The following FDFT1 variants were observed in gnomAD, a reference collection of about 807,000 sequenced individuals.
FDFT1 encodes the protein squalene synthase.
A neutral mutation model predicts 46.8 loss-of-function variants in FDFT1; 68 were observed. The ratio of observed to expected loss-of-function variants is 1.45; its 90% CI spans 1.19 to 1.78. FDFT1 has a LOEUF of 1.78. FDFT1 is among the 40% of genes most tolerant of loss of function. The probability of loss-of-function intolerance (pLI) is 0.00; values close to 1 mark genes in which losing one functional copy is unlikely to be tolerated. For synonymous variants in FDFT1, 351 were observed against 185.1 expected, an observed-to-expected ratio of 1.90 and a Z score of -7.28; for missense variants, 928 against 524.4, an observed-to-expected ratio of 1.77 and a Z score of -7.52.
chr8:11,820,614 G>A (rs958537079), intron 3 of FDFT1, among the ~76,000 whole-genome samples: 1 of 152,174 alleles, frequency 6.6e-6, no homozygotes, highest in African/African-American at 2.4e-5. Flanking sequence ...CAGCATCCCA[G>A]CTTGATCTCA....
chr8:11,824,967 T>G lies in FDFT1; in HGVS notation c.511-1057T>G, dbSNP rs2740591. 2.6e-4 allele frequency among the ~76,000 whole-genome samples: 39 copies of G among 152,086 alleles called. No homozygotes were observed. The East Asian group carries it at 6.6e-3, about 26-fold the overall frequency. ...AGCCAGGATGGTCTTGATCTCCTGA[T>G]CTCGTGATCCGCCCGTCTCAGCTTC... On this transcript the variant is annotated intron_variant, in intron 4 of 7. Transcript: ENST00000220584.
upstream of FDFT1, chr8:11,802,482 C>T (rs368201722): frequency 2.1e-6 from 1 of 481,540 alleles, no homozygotes; most frequent in Admixed American, 2.3e-5. Context: ...AAAGGCCCGG[C>T]TCCATCAGGG....
intron 4 of FDFT1, among the ~76,000 whole-genome samples, chr8:11,825,514 C>T (rs983629809): frequency 2.1e-5 from 3 of 144,452 alleles, no homozygotes; most frequent in Non-Finnish European, 3.0e-5. Context: ...CACTCCAGCC[C>T]AGGGGACAAA....
rs112064036 is a variant in FDFT1 at position 11,810,598 on chromosome 8, T to C, written c.381+748T>C. 2.6e-3 allele frequency among the ~76,000 whole-genome samples: 403 copies of C among 152,296 alleles called. 4 individuals carry two copies. The highest frequency in any genetic ancestry group is 8.4e-3 in the African/African-American group (349 of 41,550). Reference sequence around the variant, plus strand: ...TTTGGTCTATTTTGTTGGAGTAAAGTGGGTTATAGTTAAAATCCTAAGATT... The same window carrying C: ...TTTGGTCTATTTTGTTGGAGTAAAGCGGGTTATAGTTAAAATCCTAAGATT... On this transcript the variant is annotated intron_variant, in intron 3 of 7. Transcript: ENST00000220584.
At chr8:11,835,971 T>TAAAAAAAAAAAA (rs755611965) in intron 7 of FDFT1, among the ~76,000 whole-genome samples, 1,835 of 64,322 alleles carry the variant, frequency 0.029, 210 homozygotes, top group Middle Eastern at 0.05. Flanking sequence ...CTGTCTCTAC[T>TAAAAAAAAAAAA]AAAAAAAAAA....
chr8:11,803,292 GT>G (rs1344683365), intron 1 of FDFT1: 2 of 1,316,540 alleles, frequency 1.5e-6, no homozygotes, highest in Non-Finnish European at 2.0e-6. Flanking sequence ...GGACGAGTGA[GT>G]TTTTTGGTAA....
At chr8:11,809,035 TTTAC>T in intron 2 of FDFT1, 144 bp downstream of exon 2, 1 of 1,375,422 alleles carries the variant, frequency 7.3e-7, no homozygotes, top group South Asian at 1.4e-5. Context: ...GCCCTACGTG[TTTAC>T]TTTAGAAAGC....
In FDFT1 at chr8:11,802,906, G is replaced by T; in HGVS notation, c.74G>T (p.Arg25Leu). ...NLVRFRIGGK[R>L]KVMPKMDQDS... ...GTGCGCTTCCGGATCGGGGGCAAGC[G>T]GAAGGTGATGCCCAAGATGGACCAG... The change falls in exon 1 of 8, where the codon CGG becomes CTG. Residue 25 changes from arginine (R) to leucine (L), a missense_variant. Transcript: ENST00000220584. The T allele has an allele frequency of 1.2e-6, 2 of 1,610,760 alleles. No homozygotes were observed. The highest frequency in any genetic ancestry group is 2.2e-5 in the East Asian group (1 of 44,784).
chr8:11,809,718 A>C lies in FDFT1; in HGVS notation c.249A>C (p.Glu83Asp). The C allele has an allele frequency of 6.2e-7, 1 of 1,614,154 alleles. No homozygotes were observed. Among genetic ancestry groups the C allele is most frequent in the Non-Finnish European group, 8.5e-7 (1 of 1,179,996 alleles). ...TTCTCCGAGCTCTGGACACACTGGA[A>C]GATGACATGACCATCAGTGTGGAAA... ...YLVLRALDTL[E>D]DDMTISVEKK... The change falls in exon 3 of 8, where the codon GAA becomes GAC. Residue 83 changes from glutamate (E) to aspartate (D), a missense_variant. Transcript: ENST00000220584.
At chr8:11,810,412 A>G (rs1028955428) in intron 3 of FDFT1, among the ~76,000 whole-genome samples, 20 of 152,186 alleles carry the variant, frequency 1.3e-4, no homozygotes, top group African/African-American at 4.1e-4. Flanking sequence ...GTTGGCAGCT[A>G]GGGCGAGCCT....
At chr8:11,828,854 A>AT (rs1235807796) in intron 5 of FDFT1, among the ~76,000 whole-genome samples, 3 of 152,138 alleles carry the variant, frequency 2.0e-5, no homozygotes, top group Non-Finnish European at 4.4e-5. Flanking sequence ...ATTCCTTTTT[A>AT]TCGCCTAGTA....
chr8:11,801,244 C>G (rs1027980775), upstream of FDFT1, among the ~76,000 whole-genome samples: 1 of 152,202 alleles, frequency 6.6e-6, no homozygotes, highest in African/African-American at 2.4e-5. Context: ...GCTGCAGCCT[C>G]TCAGGATCCC....
At chr8:11,836,935 G>C (rs753702315) in intron 7 of FDFT1, among the ~76,000 whole-genome samples, 12 of 152,258 alleles carry the variant, frequency 7.9e-5, no homozygotes, top group Non-Finnish European at 1.5e-4. Context: ...GGCTAGGCTG[G>C]AGATAAAAAG....
intron 5 of FDFT1, among the ~76,000 whole-genome samples, chr8:11,826,671 C>T (rs767785599): frequency 3.3e-5 from 5 of 152,076 alleles, no homozygotes; most frequent in Non-Finnish European, 4.4e-5. Flanking sequence ...AAAAATTAGC[C>T]GGGCGTGGTG....
intron 3 of FDFT1, among the ~76,000 whole-genome samples, chr8:11,815,019 G>A (rs112055238): frequency 2.0e-5 from 3 of 152,042 alleles, no homozygotes; most frequent in African/African-American, 7.2e-5. Flanking sequence ...CCCTCCCTTG[G>A]CCCCCCACCC....
intron 1 of FDFT1, among the ~76,000 whole-genome samples, chr8:11,804,472 T>C (rs768970855): frequency 9.2e-5 from 14 of 152,182 alleles, no homozygotes; most frequent in South Asian, 2.1e-4. Context: ...GTATTTGTTA[T>C]GTTAGTTGTA....
At chr8:11,806,263 A>G (rs994531296) in intron 1 of FDFT1, among the ~76,000 whole-genome samples, 9 of 152,120 alleles carry the variant, frequency 5.9e-5, no homozygotes, top group African/African-American at 1.7e-4. Flanking sequence ...ACTGCAATAG[A>G]TAAACCCAAG....
At chr8:11,812,523 A>T (rs537258724) in intron 3 of FDFT1, among the ~76,000 whole-genome samples, 55 of 152,348 alleles carry the variant, frequency 3.6e-4, no homozygotes, top group African/African-American at 1.3e-3. Context: ...GCCCTGCTGC[A>T]TTCTGGAATA....
chr8:11,828,804 T>C (rs1330306807), intron 5 of FDFT1, among the ~76,000 whole-genome samples: 3 of 152,384 alleles, frequency 2.0e-5, no homozygotes, highest in East Asian at 1.9e-4. Context: ...CTAGCATGTT[T>C]TCAGGGCTCC....
Sources: gnomAD v4.1 joint callset for allele counts (sites outside exome capture counted in the v4.1 genomes callset) on GRCh38, gnomAD v4.1.1 for gene constraint, MANE v1.5 for transcripts, NCBI Gene and HGNC (gene_info 2026-07-23, HGNC 2026-07-21) for gene names.